UMAD1: variants seen among roughly 807,000 people sequenced by gnomAD.
The protein encoded by UMAD1 is UBAP1-MVB12-associated (UMA) domain containing 1.
In UMAD1, 8 loss-of-function variants were observed where a neutral mutation model predicts 6.1. The ratio of observed to expected loss-of-function variants is 1.30; its 90% CI spans 0.76 to 2.35. The LOEUF is 2.35. UMAD1 is among the 30% of genes most tolerant of loss of function. The pLI is 0.00. For missense variants in UMAD1, 130 were observed against 78.4 expected (o/e 1.66, Z -2.49); for synonymous variants, 56 against 31.4 (o/e 1.78, Z -2.61).
intron 2 of UMAD1, among the ~76,000 whole-genome samples, chr7:7,675,840 C>G (rs1779725445): frequency 6.6e-6 from 1 of 152,160 alleles, no homozygotes; most frequent in African/African-American, 2.4e-5. Context: ...CCAAACAAAT[C>G]AGGTCCGCCA....
At chr7:7,777,696 G>A (rs1782246714) in intron 2 of UMAD1, among the ~76,000 whole-genome samples, 1 of 150,786 alleles carries the variant, frequency 6.6e-6, no homozygotes, top group Admixed American at 6.6e-5. Context: ...GTAATTCTTT[G>A]AGACAAAATA....
intron 2 of UMAD1, among the ~76,000 whole-genome samples, chr7:7,704,277 A>T (rs1780539639): frequency 6.6e-6 from 1 of 152,210 alleles, no homozygotes. Context: ...TCATAGAAAC[A>T]TTCATGTAAA....
intron 3 of UMAD1, among the ~76,000 whole-genome samples, chr7:7,838,253 C>A (rs924264828): frequency 1.4e-4 from 21 of 152,188 alleles, no homozygotes; most frequent in African/African-American, 5.1e-4. Context: ...TTGGGCCATA[C>A]AACAACAGGC....
At chr7:7,701,449 C>T (rs556015185) in intron 2 of UMAD1, among the ~76,000 whole-genome samples, 1 of 152,304 alleles carries the variant, frequency 6.6e-6, no homozygotes, top group Admixed American at 6.5e-5. Flanking sequence ...TGCTCAACTT[C>T]ATTTGCCATC....
In UMAD1 at chr7:7,877,295, T is replaced by G; in HGVS notation, c.171T>G (p.Asn57Lys). The change falls in exon 4 of 4, where the codon AAT becomes AAG. Residue 57 changes from asparagine to lysine, a missense_variant. Transcript: ENST00000682710. ...ANQPLETNKE[N>K]SSSVTVSDPE... ...TGTATTTTTAGACCAACAAAGAAAA[T>G]TCATCCAGTGTGACTGTATCAGACC... The G allele has an allele frequency of 1.4e-6, 1 of 713,326 alleles. No homozygotes were observed. Among genetic ancestry groups the G allele is most frequent in the Non-Finnish European group, 2.6e-6 (1 of 381,604 alleles). 44.2% of individuals were successfully genotyped at this position (713,326 alleles called of 1,614,324 possible). A position where few individuals can be genotyped will look rare whatever the true frequency, so the allele number is the denominator to read the frequency against.
intron 2 of UMAD1, among the ~76,000 whole-genome samples, chr7:7,716,325 G>A (rs1168545169): frequency 2.0e-5 from 3 of 152,200 alleles, no homozygotes; most frequent in Non-Finnish European, 2.9e-5. Flanking sequence ...AAGTGATACA[G>A]GAGCTCGAAA....
chr7:7,735,457 T>A (rs548956164), intron 2 of UMAD1, among the ~76,000 whole-genome samples: 2 of 151,934 alleles, frequency 1.3e-5, no homozygotes, highest in South Asian at 2.1e-4. Context: ...TTGCCCAGGC[T>A]GGAGTGCAAT....
At chr7:7,843,261 T>A (rs1340091922) in intron 3 of UMAD1, among the ~76,000 whole-genome samples, 1 of 152,216 alleles carries the variant, frequency 6.6e-6, no homozygotes, top group African/African-American at 2.4e-5. Flanking sequence ...TCAGGGCCCA[T>A]GTTTGTCTAT....
At chr7:7,869,882 T>C (rs12668597) in intron 3 of UMAD1, among the ~76,000 whole-genome samples, 104,125 of 152,046 alleles carry the variant, frequency 0.68, 35,851 homozygotes, top group African/African-American at 0.74. Flanking sequence ...TCTGTTGCTC[T>C]GGGGAAGTGA....
At chr7:7,722,993 G>C (rs568543554) in intron 2 of UMAD1, among the ~76,000 whole-genome samples, 1 of 152,158 alleles carries the variant, frequency 6.6e-6, no homozygotes, top group South Asian at 2.1e-4. Flanking sequence ...TTCCACCTTT[G>C]TCTGAGGAGA....
chr7:7,872,417 G>A (rs1430339197), intron 3 of UMAD1, among the ~76,000 whole-genome samples: 1 of 152,164 alleles, frequency 6.6e-6, no homozygotes, highest in East Asian at 1.9e-4. Context: ...GGAACAATCA[G>A]AACACACACA....
Position 7,822,451 on chromosome 7 carries a change from G to C in UMAD1, c.156+20708G>C, listed in dbSNP as rs537352507. 3.2e-3 allele frequency among the ~76,000 whole-genome samples: 486 copies of C among 151,004 alleles called. 1 individual carries two copies. The highest frequency in any genetic ancestry group is 0.011 in the African/African-American group (461 of 41,282). ...TCTTGGGCAATCTTTTGTATATCAT[G>C]CAAAGGACCATACAATTAGCATGAA... On this transcript the variant is annotated intron_variant, in intron 3 of 3. Coordinates refer to ENST00000682710, the MANE Select transcript of UMAD1 (RefSeq NM_001302348.2).
chr7:7,806,918 A>G (rs1022304016), intron 3 of UMAD1, among the ~76,000 whole-genome samples: 2 of 152,228 alleles, frequency 1.3e-5, no homozygotes, highest in Non-Finnish European at 2.9e-5. Flanking sequence ...TTGCCAAAAT[A>G]TAGCTCAGTT....
At chr7:7,796,244 CTTTTTTTTT>C (rs59221325) in intron 2 of UMAD1, among the ~76,000 whole-genome samples, 4 of 63,950 alleles carry the variant, frequency 6.3e-5, no homozygotes, top group Middle Eastern at 0.011. Flanking sequence ...TATTTTCTTT[CTTTTTTTTT>C]TTTTTTTTTT....
chr7:7,721,994 A>G (rs1025000397), intron 2 of UMAD1, among the ~76,000 whole-genome samples: 8 of 152,090 alleles, frequency 5.3e-5, no homozygotes, highest in Non-Finnish European at 8.8e-5. Flanking sequence ...CCTAGCCTAC[A>G]TCTTTTCCCA....
intron 2 of UMAD1, among the ~76,000 whole-genome samples, chr7:7,681,964 A>C (rs1321972280): frequency 6.6e-6 from 1 of 152,180 alleles, no homozygotes; most frequent in African/African-American, 2.4e-5. Context: ...TAACAACAAA[A>C]AGTAATAGGA....
intron 1 of UMAD1, among the ~76,000 whole-genome samples, chr7:7,643,989 G>A (rs1237495460): frequency 6.6e-6 from 1 of 152,048 alleles, no homozygotes; most frequent in African/African-American, 2.4e-5. Context: ...CGGTAACTTG[G>A]GGTAACTTGG....
intron 2 of UMAD1, among the ~76,000 whole-genome samples, chr7:7,727,259 G>A (rs769093780): frequency 1.2e-4 from 18 of 152,102 alleles, no homozygotes; most frequent in Non-Finnish European, 2.1e-4. Flanking sequence ...TTAAGAAAAT[G>A]CCTTCATTTT....
intron 2 of UMAD1, among the ~76,000 whole-genome samples, chr7:7,713,154 T>C (rs1780809212): frequency 1.3e-5 from 2 of 151,654 alleles, no homozygotes; most frequent in African/African-American, 2.4e-5. Flanking sequence ...CTGACCAACA[T>C]GGTGAAACCC....
Sources: gnomAD v4.1 joint callset for allele counts (sites outside exome capture counted in the v4.1 genomes callset) on GRCh38, gnomAD v4.1.1 for gene constraint, MANE v1.5 for transcripts, NCBI Gene and HGNC (gene_info 2026-07-23, HGNC 2026-07-21) for gene names.